The following DIAPH2 variants were observed in gnomAD, a reference collection of about 807,000 sequenced individuals.
DIAPH2 encodes the protein protein diaphanous homolog 2.
Under a neutral mutation model 92.7 loss-of-function variants are expected in DIAPH2, and 35 were observed. The observed-to-expected ratio is 0.38, with a 90% CI of 0.29 to 0.50. The LOEUF is 0.50. DIAPH2 is among the 20% of genes least tolerant of loss of function. The pLI is 0.94. For missense variants in DIAPH2, 701 were observed against 819.5 expected (o/e 0.86, Z 1.77); for synonymous variants, 301 against 280.4 (o/e 1.07, Z -0.73).
At position 96,887,504 on chromosome X, in the gene DIAPH2, A is replaced by G. The variant is rs181453510; in HGVS notation, c.587+5786A>G. Among the ~76,000 whole-genome samples, 28 of 111,257 alleles carry G rather than the reference A, an allele frequency of 2.5e-4. No homozygotes were observed. In the East Asian group the frequency reaches 6.5e-3, roughly 26 times the overall value. ...TATAATCCACCCAAGGTTTTTTCCT[A>G]TGGCTCACAGGCTTACGAAATGTAT... On this transcript the variant is annotated intron_variant, in intron 5 of 26. Coordinates refer to ENST00000324765, the MANE Select transcript of DIAPH2 (RefSeq NM_006729.5).
intron 17 of DIAPH2, among the ~76,000 whole-genome samples, chrX:96,972,545 A>C (rs1241221234): frequency 9.0e-6 from 1 of 111,333 alleles, no homozygotes; most frequent in African/African-American, 3.3e-5. Context: ...GAGGGAAAGA[A>C]ATGAATAAGA....
Position 96,686,960 on chromosome X carries a change from AAG to A in DIAPH2, c.132+1775_132+1776del, listed in dbSNP as rs763805545. On this transcript the variant is annotated intron_variant, in intron 1 of 26. Transcript: ENST00000324765. The stretch of plus-strand genomic sequence containing the variant: ...AAGGAGTTGTGGTATGGGATTATAA[AAG>A]AGAGCCATATGGTGATAGAAATTAT... Among the ~76,000 whole-genome samples, 4 of 111,823 alleles carry A rather than the reference AAG, an allele frequency of 3.6e-5. No individual in the cohort carries two copies. The South Asian group carries it at 1.5e-3, about 42-fold the overall frequency.
intron 2 of DIAPH2, among the ~76,000 whole-genome samples, chrX:96,736,043 A>C (rs201119898): frequency 1.4e-3 from 159 of 111,819 alleles, no homozygotes; most frequent in African/African-American, 4.9e-3. Context: ...AATCTTGTGA[A>C]TCTAGACTCT....
intron 26 of DIAPH2, among the ~76,000 whole-genome samples, chrX:97,570,281 T>TTA (rs1401286429): frequency 9.7e-6 from 1 of 102,875 alleles, no homozygotes; most frequent in Non-Finnish European, 2.0e-5. Context: ...TAAATATGTT[T>TTA]TATATATATA....
intron 17 of DIAPH2, among the ~76,000 whole-genome samples, chrX:97,050,881 G>A (rs2066515956): frequency 9.0e-6 from 1 of 111,720 alleles, no homozygotes; most frequent in African/African-American, 3.2e-5. Context: ...TTGGAATATT[G>A]TGTTTTGAGT....
intron 4 of DIAPH2, among the ~76,000 whole-genome samples, chrX:96,827,511 A>G (rs906859524): frequency 2.7e-5 from 3 of 111,890 alleles, no homozygotes; most frequent in Non-Finnish European, 5.6e-5. Flanking sequence ...AAGATCTGGA[A>G]GGCTACTTTT....
At chrX:96,750,051 G>GTTTTTTTTTTT (rs753887199) in intron 3 of DIAPH2, among the ~76,000 whole-genome samples, 2 of 71,044 alleles carry the variant, frequency 2.8e-5, no homozygotes, top group African/African-American at 5.7e-5. Context: ...TATATTTCAA[G>GTTTTTTTTTTT]TTTTTTTTTT....
chrX:97,553,481 A>T (rs925778742), intron 26 of DIAPH2, among the ~76,000 whole-genome samples: 3 of 110,740 alleles, frequency 2.7e-5, no homozygotes, highest in Admixed American at 9.7e-5. Flanking sequence ...AACATAATGG[A>T]TGTTTTACTG....
intron 22 of DIAPH2, among the ~76,000 whole-genome samples, chrX:97,235,096 A>G (rs2068037844): frequency 8.9e-6 from 1 of 112,427 alleles, no homozygotes; most frequent in Non-Finnish European, 1.9e-5. Context: ...CCACCTGTAT[A>G]GATGAATTAA....
At chrX:97,160,939 A>G in intron 22 of DIAPH2, among the ~76,000 whole-genome samples, 1 of 111,434 alleles carries the variant, frequency 9.0e-6, no homozygotes, top group Non-Finnish European at 1.9e-5. Flanking sequence ...AATTTGGAAC[A>G]TATGGAATGA....
chrX:97,188,980 G>A (rs2067629296), intron 22 of DIAPH2, among the ~76,000 whole-genome samples: 1 of 111,401 alleles, frequency 9.0e-6, no homozygotes, highest in Admixed American at 9.6e-5. Context: ...ATATATATGA[G>A]CATGTGAGGA....
At chrX:96,854,598 CA>C (rs2065025944) in intron 4 of DIAPH2, among the ~76,000 whole-genome samples, 12 of 37,122 alleles carry the variant, frequency 3.2e-4, no homozygotes, top group South Asian at 1.7e-3. Context: ...CTCTCTCTCT[CA>C]TATATATATA....
At chrX:97,095,027 C>A in intron 19 of DIAPH2, among the ~76,000 whole-genome samples, 1 of 100,345 alleles carries the variant, frequency 1.0e-5, no homozygotes. Context: ...TCTGACCAAG[C>A]AAAATGGGGA....
intron 22 of DIAPH2, among the ~76,000 whole-genome samples, chrX:97,176,613 C>T (rs1022954926): frequency 3.6e-5 from 4 of 110,845 alleles, no homozygotes; most frequent in Non-Finnish European, 5.7e-5. Flanking sequence ...CTGCAAGCTC[C>T]GCCTCCTGGG....
chrX:97,583,720 C>CT (rs1176484119), intron 26 of DIAPH2, among the ~76,000 whole-genome samples: 3 of 111,095 alleles, frequency 2.7e-5, no homozygotes, highest in African/African-American at 9.8e-5. Context: ...AGCTTCCTGG[C>CT]TGCTTTGTTT....
chrX:97,033,028 T>C (rs939257957), intron 17 of DIAPH2, among the ~76,000 whole-genome samples: 3 of 111,800 alleles, frequency 2.7e-5, no homozygotes, highest in Admixed American at 1.9e-4. Context: ...TTGTATGGTA[T>C]CCTTCCCAAG....
intron 5 of DIAPH2, among the ~76,000 whole-genome samples, chrX:96,896,112 T>C (rs1183444461): frequency 9.0e-6 from 1 of 111,626 alleles, no homozygotes; most frequent in African/African-American, 3.3e-5. Context: ...TTTTATCTAT[T>C]GGTACATGGA....
chrX:96,700,132 C>T (rs2063846869), intron 1 of DIAPH2, among the ~76,000 whole-genome samples: 1 of 112,084 alleles, frequency 8.9e-6, no homozygotes, highest in African/African-American at 3.2e-5. Context: ...CCTCAGCCTC[C>T]TGAGTAGCTG....
intron 4 of DIAPH2, among the ~76,000 whole-genome samples, chrX:96,813,062 G>T (rs1477655938): frequency 9.0e-6 from 1 of 111,472 alleles, no homozygotes; most frequent in East Asian, 2.8e-4. Context: ...CTGAGTTTAA[G>T]TGCTGGATAT....
Sources: allele counts gnomAD v4.1 joint callset (sites outside exome capture counted in the v4.1 genomes callset), GRCh38; gene constraint gnomAD v4.1.1; transcripts MANE v1.5; gene names NCBI Gene and HGNC (gene_info 2026-07-23, HGNC 2026-07-21).